The following ZNF385D variants were observed in gnomAD, a reference collection of about 807,000 sequenced individuals.
The protein encoded by ZNF385D is zinc finger protein 385D, also known as zinc finger protein 659.
A neutral mutation model predicts 35.8 loss-of-function variants in ZNF385D; 15 were observed. That is an observed-to-expected ratio of 0.42 (90% CI 0.28 to 0.64). The LOEUF is 0.64. ZNF385D is among the 30% of genes least tolerant of loss of function. The probability of loss-of-function intolerance (pLI) is 0.23; values close to 1 mark genes in which losing one functional copy is unlikely to be tolerated. For synonymous variants in ZNF385D, 212 were observed against 186.8 expected (o/e 1.13, Z -1.10); for missense variants, 474 against 494.6 (o/e 0.96, Z 0.39).
At chr3:21,990,069 C>G (rs1460902776) in intron 3 of ZNF385D, among the ~76,000 whole-genome samples, 1 of 152,142 alleles carries the variant, frequency 6.6e-6, no homozygotes, top group East Asian at 1.9e-4. Flanking sequence ...ACTCCAAATG[C>G]AAGATTCTGC....
intron 3 of ZNF385D, among the ~76,000 whole-genome samples, chr3:21,928,789 G>A (rs904918539): frequency 1.3e-5 from 2 of 152,014 alleles, no homozygotes; most frequent in Non-Finnish European, 2.9e-5. Flanking sequence ...AACCCAAGAA[G>A]TAATAAGCAA....
intron 4 of ZNF385D, among the ~76,000 whole-genome samples, chr3:21,453,430 A>G (rs190584213): frequency 5.6e-4 from 85 of 152,170 alleles, no homozygotes; most frequent in African/African-American, 2.0e-3. Context: ...GTGAGAAAAC[A>G]ATCCATTAAA....
chr3:21,937,792 G>C (rs1284334056), intron 3 of ZNF385D, among the ~76,000 whole-genome samples: 1 of 152,010 alleles, frequency 6.6e-6, no homozygotes, highest in East Asian at 1.9e-4. Context: ...CATTCTCTAA[G>C]GTCTTATCAA....
intron 2 of ZNF385D, among the ~76,000 whole-genome samples, chr3:22,253,035 G>C (rs189084214): frequency 1.3e-3 from 193 of 152,174 alleles, no homozygotes; most frequent in Admixed American, 4.3e-3. Context: ...GAATTGAAAA[G>C]CAAAGAGATT....
intron 3 of ZNF385D, among the ~76,000 whole-genome samples, chr3:21,810,741 A>G (rs944894231): frequency 1.3e-5 from 2 of 152,052 alleles, no homozygotes; most frequent in African/African-American, 4.8e-5. Flanking sequence ...AACAAAATGA[A>G]TCAAATGGGA....
intron 2 of ZNF385D, among the ~76,000 whole-genome samples, chr3:22,283,865 T>A (rs1701892744): frequency 6.6e-6 from 1 of 152,162 alleles, no homozygotes; most frequent in African/African-American, 2.4e-5. Context: ...AAGAAATCTC[T>A]TAACAGGAAT....
intron 3 of ZNF385D, among the ~76,000 whole-genome samples, chr3:21,921,841 T>TG (rs1700479164): frequency 9.2e-6 from 1 of 109,202 alleles, no homozygotes; most frequent in Admixed American, 8.3e-5. Flanking sequence ...GAATCAGTAA[T>TG]GAAAAAAAAA....
rs10546720 is a variant in ZNF385D, at chr3:21,563,078, A to AC, written c.276+1495dup. 1.5e-4 allele frequency among the ~76,000 whole-genome samples: 23 copies of AC among 152,210 alleles called. 1 individual carries two copies. Among genetic ancestry groups the AC allele is most frequent in the African/African-American group, 5.3e-4 (22 of 41,516 alleles). On this transcript the variant is annotated intron_variant, in intron 3 of 7. Coordinates refer to ENST00000281523, the MANE Select transcript of ZNF385D (RefSeq NM_024697.3). The stretch of plus-strand genomic sequence containing the variant: ...GGAAAATTCATATGTTGAGATTCTG[A>AC]CCCCCAAGTTGATGGTAGTAGCAGG...
Position 21,722,077 on chromosome 3 carries a change from G to C in ZNF385D, c.22+28818C>G, listed in dbSNP as rs867066690. ...ATCGTGCCACTGCACTCCAACTTTG[G>C]AGACAGAGTGAGACTCTGTCTCAAA... On this transcript the variant is annotated intron_variant, in intron 1 of 7. Transcript: ENST00000281523. Among the ~76,000 whole-genome samples, 3 of 142,736 alleles carry C rather than the reference G, an allele frequency of 2.1e-5. No homozygotes were observed. The South Asian group carries it at 7.0e-4, about 33-fold the overall frequency. The allele number at this position is 142,736 out of a possible 152,430, so 93.6% of individuals were successfully genotyped here. A position where few individuals can be genotyped will look rare whatever the true frequency, so the allele number is the denominator to read the frequency against.
At chr3:22,345,862 T>A (rs141388501) in intron 2 of ZNF385D, among the ~76,000 whole-genome samples, 6 of 152,198 alleles carry the variant, frequency 3.9e-5, no homozygotes, top group Admixed American at 2.6e-4. Context: ...CATGAAGGTA[T>A]AAAGTCTGCA....
intron 3 of ZNF385D, among the ~76,000 whole-genome samples, chr3:21,794,663 G>A (rs1379350934): frequency 6.6e-6 from 1 of 152,162 alleles, no homozygotes; most frequent in African/African-American, 2.4e-5. Flanking sequence ...TGAACCCTGA[G>A]CATGTTAGAT....
intron 3 of ZNF385D, among the ~76,000 whole-genome samples, chr3:22,040,875 G>A (rs977926625): frequency 2.6e-5 from 4 of 151,920 alleles, no homozygotes; most frequent in South Asian, 4.1e-4. Context: ...CAAGTGTCTT[G>A]CTTGCTAGAG....
chr3:21,491,650 G>T (rs1157439963), intron 4 of ZNF385D, among the ~76,000 whole-genome samples: 1 of 152,130 alleles, frequency 6.6e-6, no homozygotes, highest in Non-Finnish European at 1.5e-5. Flanking sequence ...GCCTGTTTTG[G>T]TAAAGAAACT....
intron 1 of ZNF385D, among the ~76,000 whole-genome samples, chr3:21,687,837 T>C (rs2067156034): frequency 6.6e-6 from 1 of 152,160 alleles, no homozygotes; most frequent in Non-Finnish European, 1.5e-5. Flanking sequence ...CATTTGAGAA[T>C]AGCTGAATGG....
chr3:21,758,659 T>G (rs1160950165), intron 3 of ZNF385D, among the ~76,000 whole-genome samples: 2 of 152,124 alleles, frequency 1.3e-5, no homozygotes, highest in African/African-American at 2.4e-5. Flanking sequence ...CCTGATTAAT[T>G]GATAGTCCTG....
At chr3:21,735,879 C>G (rs886575411) in intron 1 of ZNF385D, among the ~76,000 whole-genome samples, 1 of 152,150 alleles carries the variant, frequency 6.6e-6, no homozygotes, top group African/African-American at 2.4e-5. Flanking sequence ...CTATGATTGT[C>G]CTGAAGACTC....
At chr3:22,226,964 A>G (rs536129740) in intron 2 of ZNF385D, among the ~76,000 whole-genome samples, 1 of 152,268 alleles carries the variant, frequency 6.6e-6, no homozygotes, top group East Asian at 1.9e-4. Flanking sequence ...CCAATATGGA[A>G]AAATACAGGC....
chr3:22,227,065 C>T (rs1240410238), intron 2 of ZNF385D, among the ~76,000 whole-genome samples: 1 of 152,126 alleles, frequency 6.6e-6, no homozygotes, highest in Non-Finnish European at 1.5e-5. Flanking sequence ...GGCCCAAGCC[C>T]AGACCCACTA....
intron 3 of ZNF385D, among the ~76,000 whole-genome samples, chr3:22,072,731 G>A (rs1175636987): frequency 6.6e-6 from 1 of 151,758 alleles, no homozygotes; most frequent in African/African-American, 2.4e-5. Context: ...AGTAAAGTCA[G>A]ACAAGGAAGA....
Sources: gnomAD v4.1 joint callset for allele counts (sites outside exome capture counted in the v4.1 genomes callset) on GRCh38, gnomAD v4.1.1 for gene constraint, MANE v1.5 for transcripts, NCBI Gene and HGNC (gene_info 2026-07-23, HGNC 2026-07-21) for gene names.